The following CCNI variants were observed in gnomAD, a reference collection of about 807,000 sequenced individuals.
CCNI encodes cyclin-I.
A neutral mutation model predicts 34.1 loss-of-function variants in CCNI; 14 were observed. That is an observed-to-expected ratio of 0.41 (90% CI 0.27 to 0.64). The LOEUF is 0.64. Ranked by LOEUF, CCNI falls within the 30% of genes least tolerant of loss-of-function variation. The pLI is 0.31. For synonymous variants in CCNI, 154 were observed against 158.4 expected, an observed-to-expected ratio of 0.97 and a Z score of 0.21; for missense variants, 385 against 440.5, an observed-to-expected ratio of 0.87 and a Z score of 1.13.
rs1803358 is a variant in CCNI at position 77,048,524 on chromosome 4, A to C, written c.829T>G (p.Phe277Val). ...HTLVTCDKGV[F>V]RLHPSSVPGP... The stretch of plus-strand genomic sequence containing the variant: ...GGGACAGAGGAGGGATGTAATCTGA[A>C]CACTCCTTTGTCACAGGTCACCAGG... Residue 277 changes from phenylalanine to valine, a missense_variant, in exon 7 of 7, where the codon TTC (phenylalanine) becomes GTC (valine). Transcript: ENST00000237654. The C allele has an allele frequency of 6.2e-7, 1 of 1,613,882 alleles. No individual in the cohort carries two copies. Among genetic ancestry groups the C allele is most frequent in the Admixed American group, 1.7e-5 (1 of 59,978 alleles).
chr4:77,073,883 G>C (rs1729679922), intron 1 of CCNI, among the ~76,000 whole-genome samples: 1 of 152,152 alleles, frequency 6.6e-6, no homozygotes, highest in African/African-American at 2.4e-5. Flanking sequence ...CTTGTAAACA[G>C]CTTAACAAGT....
intron 1 of CCNI, among the ~76,000 whole-genome samples, chr4:77,073,938 G>T (rs1376278709): frequency 6.6e-6 from 1 of 152,106 alleles, no homozygotes. Context: ...TGTTCAAAGC[G>T]CTATGCCATA....
chr4:77,067,667 G>GT (rs145214993), intron 1 of CCNI, among the ~76,000 whole-genome samples: 2,043 of 137,748 alleles, frequency 0.015, 20 homozygotes, highest in Non-Finnish European at 0.02. Flanking sequence ...ATTTTGTGGG[G>GT]TTTTTTTTTT....
intron 3 of CCNI, 165 bp from the exon 4 acceptor site, chr4:77,056,488 T>C (rs1728238752): frequency 3.3e-6 from 2 of 597,482 alleles, no homozygotes; most frequent in Non-Finnish European, 6.1e-6. Context: ...AGATCAGAGC[T>C]AACTTTAAGA....
intron 6 of CCNI, among the ~76,000 whole-genome samples, chr4:77,052,321 C>G (rs1206463458): frequency 6.6e-6 from 1 of 152,148 alleles, no homozygotes; most frequent in Non-Finnish European, 1.5e-5. Flanking sequence ...TGCACCTACT[C>G]TAGTTTTAAA....
intron 1 of CCNI, among the ~76,000 whole-genome samples, chr4:77,070,714 G>A (rs1413112943): frequency 6.6e-6 from 1 of 152,106 alleles, no homozygotes; most frequent in East Asian, 1.9e-4. Context: ...ATGTAGGCCA[G>A]GTGCTGTGGC....
At chr4:77,070,055 T>G (rs1729344542) in intron 1 of CCNI, among the ~76,000 whole-genome samples, 1 of 150,944 alleles carries the variant, frequency 6.6e-6, no homozygotes, top group Admixed American at 6.6e-5. Context: ...TCTCACTCTG[T>G]TGCCCAGGCT....
chr4:77,069,459 C>CT (rs898387662), intron 1 of CCNI, among the ~76,000 whole-genome samples: 11 of 151,668 alleles, frequency 7.3e-5, no homozygotes, highest in East Asian at 1.9e-4. Flanking sequence ...TATTATTATA[C>CT]TTTAAGTTCT....
At chr4:77,065,362 T>TA (rs1427968385) in intron 2 of CCNI, among the ~76,000 whole-genome samples, 2 of 152,254 alleles carry the variant, frequency 1.3e-5, no homozygotes, top group Non-Finnish European at 2.9e-5. Context: ...AAAAGACATA[T>TA]AAGACATCTT....
intron 2 of CCNI, 153 bp downstream of exon 2, chr4:77,066,096 G>A (rs1317608460): frequency 1.4e-5 from 9 of 637,846 alleles, no homozygotes; most frequent in Non-Finnish European, 1.9e-5. Context: ...GTGAGACCCT[G>A]TTACACAAAA....
At chr4:77,072,441 CCT>C (rs146099504) in intron 1 of CCNI, among the ~76,000 whole-genome samples, 2,712 of 138,056 alleles carry the variant, frequency 0.02, 103 homozygotes, top group African/African-American at 0.071. Flanking sequence ...GAGCGAGATC[CCT>C]GTCTCCACCA....
chr4:77,073,797 T>C (rs564682161), intron 1 of CCNI, among the ~76,000 whole-genome samples: 9 of 152,324 alleles, frequency 5.9e-5, no homozygotes, highest in East Asian at 3.9e-4. Flanking sequence ...TTTGAGACTA[T>C]TGGTAAACTT....
intron 6 of CCNI, among the ~76,000 whole-genome samples, chr4:77,049,528 A>G (rs1215957504): frequency 6.6e-6 from 1 of 152,122 alleles, no homozygotes; most frequent in East Asian, 1.9e-4. Flanking sequence ...AATACAAAAC[A>G]TTAGCAGGAC....
chr4:77,053,907 T>C (rs1728039851), intron 6 of CCNI, among the ~76,000 whole-genome samples: 1 of 152,226 alleles, frequency 6.6e-6, no homozygotes, highest in African/African-American at 2.4e-5. Flanking sequence ...GGATTTATTC[T>C]CATTACAGCA....
At position 77,058,542 on chromosome 4, in the gene CCNI, T is replaced by C. The variant is rs1226194036; in HGVS notation, c.208A>G (p.Ser70Gly). The change falls in exon 3 of 7, where the codon AGC becomes GGC. Residue 70 changes from serine (S) to glycine (G), a missense_variant. By Grantham distance (56) the Ser-to-Gly change is moderately conservative. Around this residue, in one of 2 missense-constraint regions of CCNI, gnomAD observed 135 missense variants for 191.8 expected, o/e 0.70. Coordinates refer to ENST00000237654, the MANE Select transcript of CCNI (RefSeq NM_006835.3). ...NLYPETFALA[S>G]SLLDRFLATV... is the part of the protein sequence containing the mutation. ...GCTAAAAACCTATCCAAAAGACTGCTAGCCAGAGCAAATGTTTCTGGGTAA... is the reference window on the plus strand; with the variant it reads ...GCTAAAAACCTATCCAAAAGACTGCCAGCCAGAGCAAATGTTTCTGGGTAA... The C allele has an allele frequency of 1.2e-6, 2 of 1,613,558 alleles. No individual in the cohort carries two copies. Among genetic ancestry groups the C allele is most frequent in the Non-Finnish European group, 1.7e-6 (2 of 1,179,718 alleles).
At chr4:77,072,205 G>C (rs1305576125) in intron 1 of CCNI, among the ~76,000 whole-genome samples, 3 of 151,954 alleles carry the variant, frequency 2.0e-5, no homozygotes, top group African/African-American at 7.3e-5. Flanking sequence ...CTTGTTTTAA[G>C]ATTCAGAAAT....
chr4:77,058,230 C>A (rs1728367975), intron 3 of CCNI, among the ~76,000 whole-genome samples: 1 of 152,160 alleles, frequency 6.6e-6, no homozygotes, highest in African/African-American at 2.4e-5. Flanking sequence ...TGGCACGTGT[C>A]TGCAGTCCCA....
intron 1 of CCNI, among the ~76,000 whole-genome samples, chr4:77,074,263 T>C (rs570163893): frequency 1.8e-4 from 27 of 152,314 alleles, no homozygotes; most frequent in Non-Finnish European, 1.9e-4. Flanking sequence ...GCTGACTGTA[T>C]TAGTCTGCCC....
Position 77,056,108 on chromosome 4 carries a change from C to A in CCNI, c.319-6G>T, listed in dbSNP as rs2109803190. The A allele has an allele frequency of 6.2e-7, 1 of 1,612,676 alleles. No individual in the cohort carries two copies. Among genetic ancestry groups the A allele is most frequent in the East Asian group, 2.2e-5 (1 of 44,818 alleles). ...ACCTTTAGTACTGGAATTCTCTATC[C>A]AAAGCAAAGGGGAACAGGGACAGGG... is the stretch of plus-strand genomic sequence containing the variant. On this transcript the variant is annotated splice_polypyrimidine_tract_variant and splice_region_variant and intron_variant, in intron 4 of 6. Transcript: ENST00000237654.
Sources: allele counts gnomAD v4.1 joint callset (sites outside exome capture counted in the v4.1 genomes callset), GRCh38; gene constraint gnomAD v4.1.1; regional missense constraint gnomAD v4.1.1; transcripts MANE v1.5; gene names NCBI Gene and HGNC (gene_info 2026-07-23, HGNC 2026-07-21).